The following ST8SIA2 variants were observed in gnomAD, a reference collection of about 807,000 sequenced individuals.
The protein encoded by ST8SIA2 is ST8 alpha-N-acetyl-neuraminide alpha-2,8-sialyltransferase 2.
A neutral mutation model predicts 37.6 loss-of-function variants in ST8SIA2; 22 were observed. The ratio of observed to expected loss-of-function variants is 0.58; its 90% CI spans 0.42 to 0.83. The LOEUF (loss-of-function observed/expected upper bound fraction) is 0.83, where lower values mean the gene tolerates loss of function less well. Ranked by LOEUF, ST8SIA2 falls within the 40% of genes least tolerant of loss-of-function variation. ST8SIA2 has a pLI of 0.00. For missense variants in ST8SIA2, 382 were observed against 484.7 expected, an observed-to-expected ratio of 0.79 and a Z score of 1.99; for synonymous variants, 205 against 201.2, an observed-to-expected ratio of 1.02 and a Z score of -0.16.
intron 1 of ST8SIA2, among the ~76,000 whole-genome samples, chr15:92,396,037 A>G (rs2049428122): frequency 6.6e-6 from 1 of 152,182 alleles, no homozygotes. Context: ...TTGTTCCCAT[A>G]TATGTACGCA....
At chr15:92,450,897 G>A (rs1015317846) in intron 5 of ST8SIA2, among the ~76,000 whole-genome samples, 1 of 152,178 alleles carries the variant, frequency 6.6e-6, no homozygotes, top group Non-Finnish European at 1.5e-5. Context: ...GGAGAAATAG[G>A]AACCCTTCTG....
chr15:92,428,860 G>A lies in ST8SIA2; in HGVS notation c.99-1189G>A, dbSNP rs2049695027. ...TTGTCTAATTATCTGCCTATGAAAT[G>A]GGTAAATATAGCCTGTTGCCAAATA... On this transcript the variant is annotated intron_variant, in intron 1 of 5. Coordinates refer to ENST00000268164, the MANE Select transcript of ST8SIA2 (RefSeq NM_006011.4). 1.3e-5 allele frequency among the ~76,000 whole-genome samples: 2 copies of A among 152,298 alleles called. 1 individual carries two copies. The highest frequency in any genetic ancestry group is 4.1e-4 in the South Asian group (2 of 4,824).
rs772203414 is a variant in ST8SIA2, at chr15:92,454,680, C to A, written c.843-9420C>A. On this transcript the variant is annotated intron_variant, in intron 5 of 5. Coordinates refer to ENST00000268164, the MANE Select transcript of ST8SIA2 (RefSeq NM_006011.4). ...TCACCAGCAGCTGGCAGGGCCCGGC[C>A]TCTGGTGCCAACAAGGCGGGCTTCA... 1.0e-3 allele frequency among the ~76,000 whole-genome samples: 159 copies of A among 151,874 alleles called. 1 individual carries two copies. The highest frequency in any genetic ancestry group is 3.3e-3 in the Admixed American group (51 of 15,294).
chr15:92,419,906 G>GC (rs1293260088), intron 1 of ST8SIA2, among the ~76,000 whole-genome samples: 2 of 152,024 alleles, frequency 1.3e-5, no homozygotes, highest in Non-Finnish European at 2.9e-5. Context: ...TCGCTCTGTC[G>GC]CCAGGCTGGA....
chr15:92,446,508 C>T (rs2049843871), intron 5 of ST8SIA2, among the ~76,000 whole-genome samples: 1 of 152,202 alleles, frequency 6.6e-6, no homozygotes, highest in South Asian at 2.1e-4. Flanking sequence ...TGTTTTAAAA[C>T]TTACACACAT....
chr15:92,408,952 C>T (rs1052111441), intron 1 of ST8SIA2, among the ~76,000 whole-genome samples: 1 of 152,170 alleles, frequency 6.6e-6, no homozygotes, highest in Admixed American at 6.5e-5. Context: ...GATCCGCCCG[C>T]CTTGGCCTCC....
At position 92,464,080 on chromosome 15, in the gene ST8SIA2, T is replaced by TC. The variant is rs1396232746; in HGVS notation, c.843-20_843-19insC. On this transcript the variant is annotated intron_variant, in intron 5 of 5. Coordinates refer to ENST00000268164, the MANE Select transcript of ST8SIA2 (RefSeq NM_006011.4). Reference sequence around the variant, plus strand: ...AGACCCATGTTTCTTTTCTTTTTTTTTTTTTTTTTTTTTTTCCAGATACTG... The same window carrying TC: ...AGACCCATGTTTCTTTTCTTTTTTTTCTTTTTTTTTTTTTTTCCAGATACTG... The TC allele has an allele frequency of 1.5e-5, 23 of 1,501,744 alleles. No individual in the cohort carries two copies. Among genetic ancestry groups the TC allele is most frequent in the Non-Finnish European group, 1.9e-5 (22 of 1,134,692 alleles). The allele number at this position is 1,501,744 out of a possible 1,614,324, so 93.0% of individuals were successfully genotyped here. A position where few individuals can be genotyped will look rare whatever the true frequency, so the allele number is the denominator to read the frequency against.
chr15:92,411,740 G>A (rs1273030989), intron 1 of ST8SIA2, among the ~76,000 whole-genome samples: 2 of 152,134 alleles, frequency 1.3e-5, no homozygotes, highest in Non-Finnish European at 2.9e-5. Flanking sequence ...TGGGCAGCTG[G>A]GGACCAATTC....
intron 1 of ST8SIA2, among the ~76,000 whole-genome samples, chr15:92,402,741 G>C (rs758687573): frequency 6.6e-6 from 1 of 152,102 alleles, no homozygotes; most frequent in Non-Finnish European, 1.5e-5. Flanking sequence ...GGGGCACACC[G>C]CTCTGCCTCT....
intron 2 of ST8SIA2, among the ~76,000 whole-genome samples, chr15:92,432,100 G>C (rs550601271): frequency 6.6e-6 from 1 of 152,160 alleles, no homozygotes; most frequent in Admixed American, 6.5e-5. Flanking sequence ...GTGTGCCCCA[G>C]TCTCTGAGAA....
intron 1 of ST8SIA2, among the ~76,000 whole-genome samples, chr15:92,419,009 G>A (rs1474337537): frequency 6.6e-6 from 1 of 152,102 alleles, no homozygotes; most frequent in Non-Finnish European, 1.5e-5. Context: ...CCTCCAGGGG[G>A]TGCCCAAGGG....
rs192075203 is a variant in ST8SIA2, at chr15:92,467,417, G to A, written c.*3032G>A. 4.5e-3 allele frequency: 696 copies of A among 153,418 alleles called. 5 individuals carry two copies. The highest frequency in any genetic ancestry group is 5.6e-3 in the Non-Finnish European group (380 of 68,344). 9.5% of individuals were successfully genotyped at this position (153,418 alleles called of 1,614,324 possible). A position where few individuals can be genotyped will look rare whatever the true frequency, so the allele number is the denominator to read the frequency against. On this transcript the variant is annotated 3_prime_UTR_variant, in exon 6 of 6. Transcript: ENST00000268164. ...ACTGCCCTTCCTCTTGATGCCCCTC[G>A]GCTTCCCCCCAGCCTGGCAGCAGCG...
chr15:92,445,780 G>A (rs2049837857), intron 5 of ST8SIA2, among the ~76,000 whole-genome samples: 1 of 152,154 alleles, frequency 6.6e-6, no homozygotes, highest in Non-Finnish European at 1.5e-5. Context: ...AAATGTTGAG[G>A]AGGGTCTGAA....
chr15:92,410,509 A>G (rs539597034), intron 1 of ST8SIA2, among the ~76,000 whole-genome samples: 1 of 152,348 alleles, frequency 6.6e-6, no homozygotes, highest in South Asian at 2.1e-4. Flanking sequence ...GTGTCACAGC[A>G]GGATTGGTGT....
At chr15:92,431,685 G>A (rs575527464) in intron 2 of ST8SIA2, among the ~76,000 whole-genome samples, 7 of 152,304 alleles carry the variant, frequency 4.6e-5, no homozygotes, top group African/African-American at 7.2e-5. Flanking sequence ...CCAATCCAAC[G>A]TGTTTGTGCA....
In ST8SIA2 at chr15:92,464,398, A is replaced by T; in HGVS notation, c.*13A>T. 1.2e-6 allele frequency: 2 copies of T among 1,613,008 alleles called. No homozygotes were observed. Among genetic ancestry groups the T allele is most frequent in the Non-Finnish European group, 8.5e-7 (1 of 1,180,014 alleles). On this transcript the variant is annotated 3_prime_UTR_variant, in exon 6 of 6. Coordinates refer to ENST00000268164, the MANE Select transcript of ST8SIA2 (RefSeq NM_006011.4). ...TGGGGCCACGTAGGGTGGGCACCCC[A>T]TGGGACTCAGTGGCTCACATTTCCT...
At chr15:92,408,125 A>G (rs1184861435) in intron 1 of ST8SIA2, among the ~76,000 whole-genome samples, 1 of 152,170 alleles carries the variant, frequency 6.6e-6, no homozygotes, top group African/African-American at 2.4e-5. Flanking sequence ...CTGTGTCTGG[A>G]AACGGCCCAG....
rs748759839 is a variant in ST8SIA2, at chr15:92,394,027, C to T, written c.-38C>T. ...TGCGCCCTCCGGCCCCTGCTCCTCG[C>T]GCCGGCCCGCGTGGGTCCCGGCGGG... On this transcript the variant is annotated 5_prime_UTR_variant, in exon 1 of 6. Coordinates refer to ENST00000268164, the MANE Select transcript of ST8SIA2 (RefSeq NM_006011.4). The T allele has an allele frequency of 7.9e-6, 12 of 1,514,928 alleles. No individual in the cohort carries two copies. Among genetic ancestry groups the T allele is most frequent in the African/African-American group, 4.3e-5 (3 of 70,448 alleles). The allele number at this position is 1,514,928 out of a possible 1,614,324, so 93.8% of individuals were successfully genotyped here.
At chr15:92,455,347 T>A (rs1267070750) in intron 5 of ST8SIA2, among the ~76,000 whole-genome samples, 1 of 152,124 alleles carries the variant, frequency 6.6e-6, no homozygotes, top group Non-Finnish European at 1.5e-5. Flanking sequence ...TTGTGTGTAA[T>A]GGATTCTCTC....
Sources: allele counts gnomAD v4.1 joint callset (sites outside exome capture counted in the v4.1 genomes callset), GRCh38; gene constraint gnomAD v4.1.1; transcripts MANE v1.5; gene names NCBI Gene and HGNC (gene_info 2026-07-23, HGNC 2026-07-21).